MRTFB: variants seen among roughly 807,000 people sequenced by gnomAD.
MRTFB encodes myocardin related transcription factor B.
In MRTFB, 29 loss-of-function variants were observed where a neutral mutation model predicts 104.2. The ratio of observed to expected loss-of-function variants is 0.28; its 90% CI spans 0.21 to 0.38. The LOEUF (loss-of-function observed/expected upper bound fraction) is 0.38. MRTFB is among the 10% of genes least tolerant of loss of function. The pLI is 1.00. For missense variants in MRTFB, 1,270 were observed against 1,341.6 expected (o/e 0.95, Z 0.83); for synonymous variants, 535 against 519.5 (o/e 1.03, Z -0.41).
chr16:14,187,956 C>T lies in MRTFB; in HGVS notation c.155-22287C>T, dbSNP rs573922706. Among the ~76,000 whole-genome samples, 15 of 152,302 alleles carry T rather than the reference C, an allele frequency of 9.8e-5. No homozygotes were observed. In the East Asian group the frequency reaches 2.7e-3, roughly 27 times the overall value. ...AGCAGCCACCCCCTTGCCTCCCGCT[C>T]GCTCTTGCCCGTCTTATAGAGACCC... On this transcript the variant is annotated intron_variant, in intron 3 of 16. Transcript: ENST00000571589.
At chr16:14,225,421 C>T (rs2041956907) in intron 8 of MRTFB, among the ~76,000 whole-genome samples, 1 of 151,882 alleles carries the variant, frequency 6.6e-6, no homozygotes, top group African/African-American at 2.4e-5. Context: ...AAGTTGTTAT[C>T]AATGTAAGAT....
intron 2 of MRTFB, among the ~76,000 whole-genome samples, chr16:14,085,947 G>C (rs13336684): frequency 0.14 from 21,234 of 152,128 alleles, 3,532 homozygotes; most frequent in African/African-American, 0.4. Flanking sequence ...GGAAAAGTAA[G>C]TATCTAAACT....
upstream of MRTFB, among the ~76,000 whole-genome samples, chr16:14,067,476 G>T (rs553079358): frequency 1.3e-5 from 2 of 152,226 alleles, no homozygotes; most frequent in East Asian, 3.9e-4. Flanking sequence ...GCACGCCTTG[G>T]CCTCCCAAAG....
At chr16:14,172,261 CTCT>C (rs923676863) in intron 3 of MRTFB, among the ~76,000 whole-genome samples, 11 of 152,202 alleles carry the variant, frequency 7.2e-5, no homozygotes, top group African/African-American at 2.4e-4. Context: ...ATTTTATTTC[CTCT>C]TCTTTCTCAC....
the MRTFB span, among the ~76,000 whole-genome samples, chr16:14,036,296 T>TTTTATATATA: frequency 1.0e-5 from 1 of 98,354 alleles, no homozygotes; most frequent in African/African-American, 3.6e-5. Flanking sequence ...TTATATATAT[T>TTTTATATATA]TATATATATA....
intron 3 of MRTFB, among the ~76,000 whole-genome samples, chr16:14,203,769 A>T (rs1267209687): frequency 7.1e-6 from 1 of 140,290 alleles, no homozygotes; most frequent in Non-Finnish European, 1.5e-5. Flanking sequence ...AGACCACTGC[A>T]CTCCAGCCTG....
chr16:13,998,230 G>A, the MRTFB span, among the ~76,000 whole-genome samples: 2 of 152,184 alleles, frequency 1.3e-5, no homozygotes, highest in Non-Finnish European at 2.9e-5. Flanking sequence ...CCTTTGGCAG[G>A]TGAAAACATG....
chr16:14,249,826 A>C (rs749859488), intron 13 of MRTFB, among the ~76,000 whole-genome samples: 1 of 152,250 alleles, frequency 6.6e-6, no homozygotes, highest in East Asian at 1.9e-4. Flanking sequence ...TTACTCTTCA[A>C]CATGAAAGAA....
intron 3 of MRTFB, chr16:14,201,071 A>C (rs2040680191): frequency 6.9e-7 from 1 of 1,447,170 alleles, no homozygotes; most frequent in African/African-American, 1.4e-5. Flanking sequence ...TGCAACGAGG[A>C]GTGTTGGCTT....
At chr16:14,200,674 AT>A in intron 3 of MRTFB, 3 of 1,551,830 alleles carry the variant, frequency 1.9e-6, no homozygotes, top group Non-Finnish European at 2.7e-6. Flanking sequence ...GGGTGTTTGA[AT>A]CTAGAAAGGA....
intron 2 of MRTFB, among the ~76,000 whole-genome samples, chr16:14,090,490 A>T (rs1391699134): frequency 6.6e-6 from 1 of 152,194 alleles, no homozygotes. Flanking sequence ...TTGGGGATCC[A>T]GAGGTGAGTG....
At chr16:14,240,176 G>T in intron 9 of MRTFB, 61 bp from the exon 10 acceptor site, 1 of 1,517,160 alleles carries the variant, frequency 6.6e-7, no homozygotes. Flanking sequence ...TAGTCACGCA[G>T]TACAAAAGAT....
chr16:14,215,291 TAAGA>T (rs1245128568), intron 6 of MRTFB, among the ~76,000 whole-genome samples: 1 of 152,174 alleles, frequency 6.6e-6, no homozygotes, highest in East Asian at 1.9e-4. Flanking sequence ...AGTTTTGAAA[TAAGA>T]AAGAATGTCA....
Position 14,079,370 on chromosome 16 carries a change from A to ATT in MRTFB, c.-64+24_-64+25dup. The ATT allele has an allele frequency of 2.9e-6, 1 of 344,796 alleles. No individual in the cohort carries two copies. Among genetic ancestry groups the ATT allele is most frequent in the Non-Finnish European group, 5.3e-6 (1 of 189,520 alleles). The allele number at this position is 344,796 out of a possible 1,614,324, so 21.4% of individuals were successfully genotyped here. On this transcript the variant is annotated intron_variant, in intron 2 of 16. Transcript: ENST00000571589. ...TCTTACCGAGGTAAGTTTTTTTATA[A>ATT]TTTTTTTTTAACAAAGAAACTGTAA...
chr16:14,167,434 T>A (rs1009701883), intron 3 of MRTFB, among the ~76,000 whole-genome samples: 5 of 152,082 alleles, frequency 3.3e-5, no homozygotes, highest in Admixed American at 6.5e-5. Context: ...AATGGCAAAA[T>A]TTTTTTCCCA....
chr16:13,996,623 G>A, the MRTFB span, among the ~76,000 whole-genome samples: 1 of 152,212 alleles, frequency 6.6e-6, no homozygotes, highest in Admixed American at 6.5e-5. Flanking sequence ...GAGTCCAATG[G>A]GGAAGATGGA....
chr16:14,070,485 C>T (rs2033619083), upstream of MRTFB, among the ~76,000 whole-genome samples: 1 of 152,198 alleles, frequency 6.6e-6, no homozygotes, highest in African/African-American at 2.4e-5. Context: ...ACCAGCAAAA[C>T]GCCACCAGTC....
intron 3 of MRTFB, among the ~76,000 whole-genome samples, chr16:14,145,280 A>AT (rs2038252420): frequency 1.3e-5 from 2 of 151,938 alleles, no homozygotes; most frequent in African/African-American, 4.8e-5. Flanking sequence ...ATGAATTCAG[A>AT]TTTTTTTGGT....
intron 3 of MRTFB, chr16:14,200,114 CG>C: frequency 1.6e-6 from 1 of 614,190 alleles, no homozygotes; most frequent in Non-Finnish European, 2.8e-6. Flanking sequence ...GTTTTAAGGG[CG>C]TGTTCCATTA....
Sources: gnomAD v4.1 joint callset for allele counts (sites outside exome capture counted in the v4.1 genomes callset) on GRCh38, gnomAD v4.1.1 for gene constraint, MANE v1.5 for transcripts, NCBI Gene and HGNC (gene_info 2026-07-23, HGNC 2026-07-21) for gene names.